Variants in ZEB2 observed in about 807,000 individuals in gnomAD.
The protein encoded by ZEB2 is zinc finger E-box-binding homeobox 2.
Under a neutral mutation model 99.9 loss-of-function variants are expected in ZEB2, and 6 were observed. The ratio of observed to expected loss-of-function variants is 0.06; its 90% CI spans 0.03 to 0.12. ZEB2 has a LOEUF of 0.12. ZEB2 is among the 10% of genes least tolerant of loss of function. The probability of loss-of-function intolerance (pLI) is 1.00; values close to 1 mark genes in which losing one functional copy is unlikely to be tolerated. For synonymous variants in ZEB2, 517 were observed against 542.5 expected (o/e 0.95, Z 0.65); for missense variants, 969 against 1,502.8 (o/e 0.64, Z 5.87).
intron 2 of ZEB2, among the ~76,000 whole-genome samples, chr2:144,475,388 C>T (rs759736127): frequency 9.2e-5 from 14 of 151,990 alleles, no homozygotes; most frequent in South Asian, 2.1e-4. Flanking sequence ...GATCTCTATT[C>T]GCAACTAAAA....
chr2:144,486,892 A>T (rs990282631), intron 2 of ZEB2, among the ~76,000 whole-genome samples: 3 of 152,150 alleles, frequency 2.0e-5, no homozygotes, highest in African/African-American at 4.8e-5. Context: ...CTGAACTGGT[A>T]TTGGTCTACA....
intron 2 of ZEB2, among the ~76,000 whole-genome samples, chr2:144,435,371 G>T (rs1480132330): frequency 6.6e-6 from 1 of 151,978 alleles, no homozygotes. Context: ...ACTTTGGGAG[G>T]CCAAGCAGGG....
chr2:144,423,175 CT>C (rs1703642732), intron 4 of ZEB2, among the ~76,000 whole-genome samples: 1 of 152,214 alleles, frequency 6.6e-6, no homozygotes, highest in Admixed American at 6.5e-5. Flanking sequence ...ATTAACCTCA[CT>C]TTAAACTCTA....
chr2:144,459,142 C>T (rs1449449477), intron 2 of ZEB2, among the ~76,000 whole-genome samples: 4 of 152,142 alleles, frequency 2.6e-5, no homozygotes, highest in Non-Finnish European at 5.9e-5. Context: ...CCATAACCCA[C>T]GTCAGCCCAA....
rs1444247282 is a variant in ZEB2 at position 144,398,437 on chromosome 2, A to T, written c.2750T>A (p.Ile917Asn). The change falls in exon 8 of 10, where the codon ATT becomes AAT. Residue 917 changes from isoleucine (I) to asparagine (N), a missense_variant. Transcript: ENST00000627532. ...ATFMPPVQTS[I>N]PGLRPYPGLD... The stretch of plus-strand genomic sequence containing the variant: ...TCCTGGGTATGGTCGTAGCCCAGGA[A>T]TACTGGTCTGGACTGGTGGCATGAA... 6.2e-7 allele frequency: 1 copy of T among 1,614,100 alleles called. No homozygotes were observed. Among genetic ancestry groups the T allele is most frequent in the African/African-American group, 1.3e-5 (1 of 75,050 alleles).
chr2:144,434,845 T>C lies in ZEB2; in HGVS notation c.74-4819A>G, dbSNP rs540615256. On this transcript the variant is annotated intron_variant, in intron 2 of 9. Coordinates refer to ENST00000627532, the MANE Select transcript of ZEB2 (RefSeq NM_014795.4). The stretch of plus-strand genomic sequence containing the variant: ...TCACAGAATTATGAGCTTGAAGACT[T>C]GCCTTGTCCCAGAACCAACGTGTAA... 1.0e-3 allele frequency among the ~76,000 whole-genome samples: 156 copies of C among 152,310 alleles called. 1 individual carries two copies. In the South Asian group the frequency reaches 0.031, roughly 31 times the overall value.
intron 4 of ZEB2, among the ~76,000 whole-genome samples, chr2:144,411,742 A>G (rs377142728): frequency 6.6e-6 from 1 of 152,220 alleles, no homozygotes; most frequent in Non-Finnish European, 1.5e-5. Flanking sequence ...TCCAGGGAAC[A>G]CATGTTCAGA....
chr2:144,387,849 AG>A lies in ZEB2; in HGVS notation c.*1601del, dbSNP rs537106016. The A allele has an allele frequency of 9.3e-4, 142 of 152,402 alleles. No homozygotes were observed. The highest frequency in any genetic ancestry group is 4.6e-3 in the Admixed American group (71 of 15,302). The allele number at this position is 152,402 out of a possible 1,614,324, so 9.4% of individuals were successfully genotyped here. A position where few individuals can be genotyped will look rare whatever the true frequency, so the allele number is the denominator to read the frequency against. ...GAAAAGCTGTAAAATTGCTGTACAT[AG>A]GTATGGAATTTTAAAAAACAGTTAT... is the stretch of plus-strand genomic sequence containing the variant. On this transcript the variant is annotated 3_prime_UTR_variant, in exon 10 of 10. Coordinates refer to ENST00000627532, the MANE Select transcript of ZEB2 (RefSeq NM_014795.4).
Position 144,389,823 on chromosome 2 carries a change from C to T in ZEB2, c.3273G>A (p.Ala1091=). ...CKREAEEREA[A]EREAREKGHL... is the part of the protein sequence containing the mutation. ...GCCCTTTCTCGCGCGCCTCGCGCTC[C>T]GCCGCTTCCCGCTCCTCCGCCTCCC... Residue 1091 remains alanine, a synonymous_variant, in exon 10 of 10, where the codon GCG becomes GCA. Transcript: ENST00000627532. This position sits in a 1 kb window ranked among gnomAD's most constrained non-coding sequence, Gnocchi z 6.8. The T allele has an allele frequency of 6.2e-7, 1 of 1,613,168 alleles. No homozygotes were observed. The highest frequency in any genetic ancestry group is 8.5e-7 in the Non-Finnish European group (1 of 1,179,342).
intron 4 of ZEB2, among the ~76,000 whole-genome samples, chr2:144,411,475 A>C (rs1182279872): frequency 2.6e-5 from 4 of 152,196 alleles, no homozygotes; most frequent in African/African-American, 4.8e-5. Flanking sequence ...TTTCATCATT[A>C]AAAGTGCATG....
intron 4 of ZEB2, among the ~76,000 whole-genome samples, chr2:144,416,988 T>G (rs905199376): frequency 6.6e-6 from 1 of 152,238 alleles, no homozygotes; most frequent in Non-Finnish European, 1.5e-5. Context: ...GATAGCGCAT[T>G]TATTATGCGC....
intron 2 of ZEB2, among the ~76,000 whole-genome samples, chr2:144,431,787 C>A (rs2149892069): frequency 7.0e-6 from 1 of 143,134 alleles, no homozygotes. Flanking sequence ...TATTTCTTAG[C>A]AACAAGCAGA....
At chr2:144,435,681 G>T (rs529013390) in intron 2 of ZEB2, among the ~76,000 whole-genome samples, 3 of 151,916 alleles carry the variant, frequency 2.0e-5, no homozygotes, top group Non-Finnish European at 4.4e-5. Context: ...CATGCTTAGA[G>T]ATCATTTATG....
At chr2:144,435,802 T>C (rs981968098) in intron 2 of ZEB2, among the ~76,000 whole-genome samples, 1 of 152,144 alleles carries the variant, frequency 6.6e-6, no homozygotes, top group Non-Finnish European at 1.5e-5. Flanking sequence ...TTAGCCTTTA[T>C]TCCTCCTTGT....
At position 144,513,670 on chromosome 2, in the gene ZEB2, G is replaced by T; in HGVS notation, c.73+3608C>A. 5.2e-6 allele frequency: 8 copies of T among 1,535,132 alleles called. No homozygotes were observed. The South Asian group carries it at 9.5e-5, about 18-fold the overall frequency. ...CGTGGGAGGCAGGAGGGAAGCAGGA[G>T]CATCCCAGGACCCGCTGCCCGAATC... On this transcript the variant is annotated intron_variant, in intron 2 of 9. Transcript: ENST00000627532.
At chr2:144,446,493 T>C (rs1278245388) in intron 2 of ZEB2, among the ~76,000 whole-genome samples, 3 of 152,094 alleles carry the variant, frequency 2.0e-5, no homozygotes, top group African/African-American at 7.2e-5. Flanking sequence ...GATACACCTT[T>C]CATCTTCAGG....
Position 144,471,548 on chromosome 2 carries a change from T to C in ZEB2, c.74-41522A>G, listed in dbSNP as rs180846160. ...TCTTTTTTTTTTTTGGCTTGGGTTT[T>C]TCCCTCCCCCACAAAACTTTTGCAT... On this transcript the variant is annotated intron_variant, in intron 2 of 9. Coordinates refer to ENST00000627532, the MANE Select transcript of ZEB2 (RefSeq NM_014795.4). Among the ~76,000 whole-genome samples the C allele has an allele frequency of 6.2e-3, 945 of 152,064 alleles. 2 individuals carry two copies. Among genetic ancestry groups the C allele is most frequent in the Non-Finnish European group, 0.011 (716 of 67,960 alleles).
intron 2 of ZEB2, among the ~76,000 whole-genome samples, chr2:144,460,219 C>T (rs1015203358): frequency 2.6e-5 from 4 of 152,040 alleles, no homozygotes; most frequent in African/African-American, 7.2e-5. Context: ...ACCATGGACA[C>T]GTCAGTGTTG....
intron 4 of ZEB2, among the ~76,000 whole-genome samples, chr2:144,408,218 T>C (rs1430472043): frequency 1.3e-5 from 2 of 152,324 alleles, no homozygotes; most frequent in South Asian, 4.1e-4. Context: ...GCCTAGAAAT[T>C]AGTAGGCTCT....
Sources: allele counts gnomAD v4.1 joint callset (sites outside exome capture counted in the v4.1 genomes callset), GRCh38; gene constraint gnomAD v4.1.1; non-coding constraint Gnocchi (gnomAD v3.1); transcripts MANE v1.5; gene names NCBI Gene and HGNC (gene_info 2026-07-23, HGNC 2026-07-21).